The following TTL variants were observed in gnomAD, a reference collection of about 807,000 sequenced individuals.
TTL encodes the protein tubulin--tyrosine ligase.
A neutral mutation model predicts 41.1 loss-of-function variants in TTL; 10 were observed. The ratio of observed to expected loss-of-function variants is 0.24; its 90% CI spans 0.15 to 0.41. The LOEUF is 0.41. Among genes scored for constraint, TTL ranks in the 10% least tolerant of loss-of-function variants. TTL has a pLI of 1.00. For synonymous variants in TTL, 175 were observed against 175.5 expected (o/e 1.00, Z 0.02); for missense variants, 367 against 460.4 (o/e 0.80, Z 1.86).
rs1269113866 is a variant in TTL, at chr2:112,530,769, A to G, written c.*1974A>G. ...GATGTCAGGAAGTCTGTGAATCTTG[A>G]TGGATTTTCTGAGAAACCTGACTCA... is the stretch of plus-strand genomic sequence containing the variant. On this transcript the variant is annotated 3_prime_UTR_variant, in exon 7 of 7. Coordinates refer to ENST00000233336, the MANE Select transcript of TTL (RefSeq NM_153712.5). 4 of 201,868 alleles carry G rather than the reference A, an allele frequency of 2.0e-5. No individual in the cohort carries two copies. The highest frequency in any genetic ancestry group is 1.5e-4 in the East Asian group (2 of 13,080). 12.5% of individuals were successfully genotyped at this position (201,868 alleles called of 1,614,324 possible).
At chr2:112,491,173 A>G (rs1217405873) in intron 2 of TTL, among the ~76,000 whole-genome samples, 1 of 152,014 alleles carries the variant, frequency 6.6e-6, no homozygotes, top group Non-Finnish European at 1.5e-5. Context: ...TTGTATTTTT[A>G]GTAGAGATAG....
chr2:112,510,940 A>T (rs74406364), intron 5 of TTL, among the ~76,000 whole-genome samples: 2,632 of 152,312 alleles, frequency 0.017, 58 homozygotes, highest in Admixed American at 0.071. Context: ...GGTTTGTTCC[A>T]TAGCCCAGAA....
chr2:112,518,749 A>C (rs1682142603), intron 5 of TTL, among the ~76,000 whole-genome samples: 1 of 149,518 alleles, frequency 6.7e-6, no homozygotes. Context: ...GTCTTAGCTC[A>C]CTGCAACCTC....
At chr2:112,519,814 T>A (rs1322247980) in intron 5 of TTL, among the ~76,000 whole-genome samples, 1 of 152,068 alleles carries the variant, frequency 6.6e-6, no homozygotes, top group Non-Finnish European at 1.5e-5. Context: ...TTCTCTTGAG[T>A]AACCTAATGG....
At chr2:112,488,937 A>T (rs1056009821) in intron 2 of TTL, among the ~76,000 whole-genome samples, 1 of 151,408 alleles carries the variant, frequency 6.6e-6, no homozygotes, top group African/African-American at 2.4e-5. Flanking sequence ...AAATATAAAA[A>T]TTAGCTGGGC....
intron 3 of TTL, among the ~76,000 whole-genome samples, 198 bp downstream of exon 3, chr2:112,494,573 C>G (rs1408776508): frequency 3.9e-5 from 6 of 152,164 alleles, no homozygotes; most frequent in Non-Finnish European, 8.8e-5. Context: ...GCTCTAGATC[C>G]ATTGACACCC....
Position 112,482,527 on chromosome 2 carries a change from G to T in TTL, c.157+26G>T. ...GTGAGCCCCTCCCCGATTCCCGTCT[G>T]CCCTCCTCGGAGCGGCCCTGCGCGC... On this transcript the variant is annotated intron_variant, in intron 1 of 6. Coordinates refer to ENST00000233336, the MANE Select transcript of TTL (RefSeq NM_153712.5). This position sits in a 1 kb window ranked among gnomAD's most constrained non-coding sequence, Gnocchi z 5.3. 6.3e-7 allele frequency: 1 copy of T among 1,575,478 alleles called. No homozygotes were observed. Among genetic ancestry groups the T allele is most frequent in the Non-Finnish European group, 8.6e-7 (1 of 1,158,940 alleles).
In TTL at chr2:112,540,913, T is replaced by C. The variant is rs953851027; in HGVS notation, c.*12118T>C. ...AAAATATAGGTGAAAATCCCCATGA[T>C]TGAAAAATATCTAGTATTTGATAGC... On this transcript the variant is annotated 3_prime_UTR_variant, in exon 7 of 7. Transcript: ENST00000233336. 14 of 152,130 alleles carry C rather than the reference T, an allele frequency of 9.2e-5. No individual in the cohort carries two copies. Among genetic ancestry groups the C allele is most frequent in the African/African-American group, 3.4e-4 (14 of 41,426 alleles). 9.4% of individuals were successfully genotyped at this position (152,130 alleles called of 1,614,324 possible).
chr2:112,524,350 G>C (rs569160359), intron 6 of TTL, among the ~76,000 whole-genome samples: 1 of 152,304 alleles, frequency 6.6e-6, no homozygotes, highest in South Asian at 2.1e-4. Flanking sequence ...TCTAGTTCTA[G>C]ATCGTTGAGG....
chr2:112,510,784 C>G (rs1298294025), intron 5 of TTL, among the ~76,000 whole-genome samples: 1 of 152,158 alleles, frequency 6.6e-6, no homozygotes, highest in Non-Finnish European at 1.5e-5. Context: ...ACAGATTTTG[C>G]TGTTTTCATT....
Position 112,515,308 on chromosome 2 carries a change from A to C in TTL, c.876-4974A>C, listed in dbSNP as rs1384731758. Reference sequence around the variant, plus strand: ...ATATATTAAAGATTGTAAAAATGAGAATATGCAACAGAGGTGGTACATATC... The same window carrying C: ...ATATATTAAAGATTGTAAAAATGAGCATATGCAACAGAGGTGGTACATATC... On this transcript the variant is annotated intron_variant, in intron 5 of 6. Transcript: ENST00000233336. 3.9e-5 allele frequency among the ~76,000 whole-genome samples: 6 copies of C among 152,288 alleles called. No individual in the cohort carries two copies. In the South Asian group the frequency reaches 1.2e-3, roughly 32 times the overall value.
At chr2:112,511,054 G>A (rs1681907580) in intron 5 of TTL, among the ~76,000 whole-genome samples, 1 of 151,806 alleles carries the variant, frequency 6.6e-6, no homozygotes, top group South Asian at 2.1e-4. Flanking sequence ...GTCTTACTTT[G>A]TTTCCCAGGC....
rs1682547763 is a variant in TTL, at chr2:112,533,565, A to G, written c.*4770A>G. 6.6e-6 allele frequency: 1 copy of G among 152,288 alleles called. No homozygotes were observed. Among genetic ancestry groups the G allele is most frequent in the Non-Finnish European group, 1.5e-5 (1 of 68,092 alleles). 9.4% of individuals were successfully genotyped at this position (152,288 alleles called of 1,614,324 possible). ...CTGGAGGATGAGAAGTCCAATATCA[A>G]GGGGCTATATCTGGTGAGGGCCTTC... On this transcript the variant is annotated 3_prime_UTR_variant, in exon 7 of 7. Coordinates refer to ENST00000233336, the MANE Select transcript of TTL (RefSeq NM_153712.5).
intron 3 of TTL, among the ~76,000 whole-genome samples, chr2:112,500,534 G>C (rs1228522269): frequency 6.6e-6 from 1 of 152,160 alleles, no homozygotes; most frequent in East Asian, 1.9e-4. Context: ...TTGCGCCACT[G>C]CACTCCATCC....
intron 5 of TTL, among the ~76,000 whole-genome samples, chr2:112,512,904 GTTTTA>G (rs1338962735): frequency 1.4e-5 from 2 of 147,640 alleles, no homozygotes; most frequent in Admixed American, 1.3e-4. Context: ...TATTTTTAGA[GTTTTA>G]TTTTAATTTT....
chr2:112,501,191 C>G lies in TTL; in HGVS notation c.470-15C>G, dbSNP rs375362800. The G allele has an allele frequency of 1.3e-6, 2 of 1,599,520 alleles. No individual in the cohort carries two copies. Among genetic ancestry groups the G allele is most frequent in the Non-Finnish European group, 8.5e-7 (1 of 1,175,590 alleles). On this transcript the variant is annotated splice_polypyrimidine_tract_variant and intron_variant, in intron 3 of 6. Coordinates refer to ENST00000233336, the MANE Select transcript of TTL (RefSeq NM_153712.5). ...TTGAATTGGATTGGTTTGTCTTTTG[C>G]TTTTTCCCTGTTAGGTGAAGGCATT... is the stretch of plus-strand genomic sequence containing the variant.
In TTL at chr2:112,540,744, T is replaced by A. The variant is rs547492492; in HGVS notation, c.*11949T>A. 2 of 148,372 alleles carry A rather than the reference T, an allele frequency of 1.3e-5. No homozygotes were observed. Among genetic ancestry groups the A allele is most frequent in the South Asian group, 4.1e-4 (2 of 4,826 alleles). 9.2% of individuals were successfully genotyped at this position (148,372 alleles called of 1,614,324 possible). A position where few individuals can be genotyped will look rare whatever the true frequency, so the allele number is the denominator to read the frequency against. ...CAATTTGATGAGGGAAAGAATAGTC[T>A]TTTTAACAAATGGTGTTAGGACAAC... On this transcript the variant is annotated 3_prime_UTR_variant, in exon 7 of 7. Transcript: ENST00000233336.
intron 6 of TTL, among the ~76,000 whole-genome samples, chr2:112,521,937 A>G (rs7578685): frequency 1.3e-5 from 2 of 152,098 alleles, no homozygotes; most frequent in Admixed American, 1.3e-4. Context: ...TAAGGCAGGG[A>G]TCCGCACCTT....
At chr2:112,502,487 A>G (rs1574061847) in intron 4 of TTL, among the ~76,000 whole-genome samples, 2 of 151,928 alleles carry the variant, frequency 1.3e-5, no homozygotes, top group African/African-American at 4.8e-5. Context: ...AAATACAAAA[A>G]TCACCCGGGC....
Sources: gnomAD v4.1 joint callset for allele counts (sites outside exome capture counted in the v4.1 genomes callset) on GRCh38, gnomAD v4.1.1 for gene constraint, Gnocchi (gnomAD v3.1) non-coding constraint, MANE v1.5 for transcripts, NCBI Gene and HGNC (gene_info 2026-07-23, HGNC 2026-07-21) for gene names.